FBXO21: variants seen among roughly 807,000 people sequenced by gnomAD.
FBXO21 encodes the protein F-box only protein 21.
A neutral mutation model predicts 76.6 loss-of-function variants in FBXO21; 32 were observed. That is an observed-to-expected ratio of 0.42 (90% CI 0.32 to 0.56). The LOEUF (loss-of-function observed/expected upper bound fraction) is 0.56. FBXO21 is among the 20% of genes least tolerant of loss of function. FBXO21 has a pLI of 0.16. For synonymous variants in FBXO21, 328 were observed against 311.5 expected (o/e 1.05, Z -0.56); for missense variants, 586 against 797.3 (o/e 0.73, Z 3.19).
rs1001498756 is a variant in FBXO21 at position 117,145,033 on chromosome 12, A to T, written c.*1054T>A. The T allele has an allele frequency of 3.3e-5, 5 of 151,164 alleles. No individual in the cohort carries two copies. The highest frequency in any genetic ancestry group is 4.8e-5 in the African/African-American group (2 of 41,292). 9.4% of individuals were successfully genotyped at this position (151,164 alleles called of 1,614,324 possible). ...CTTGAAGTGACTCTAAGGAATAACA[A>T]GAGGTGTGAAACCACTTTTTTTCCC... On this transcript the variant is annotated 3_prime_UTR_variant, in exon 12 of 12. Transcript: ENST00000622495.
At chr12:117,156,023 C>T in intron 10 of FBXO21, 75 bp from the exon 11 acceptor site, 1 of 1,407,986 alleles carries the variant, frequency 7.1e-7, no homozygotes. Context: ...CGTGGCTTCT[C>T]AGCTCACATC....
rs1440464112 is a variant in FBXO21 at position 117,189,233 on chromosome 12, T to C, written c.369A>G (p.Ser123=). Residue 123 remains serine, a synonymous_variant, in exon 2 of 12, where the codon TCA becomes TCG. Transcript: ENST00000622495. ...IVASFSKRFF[S]EHVPCNGFSD... ...CACATCAACAGATCCTTACGTGCTC[T>C]GAAAAGAACCTCTTTGAGAACGAGG... 6.2e-7 allele frequency: 1 copy of C among 1,614,230 alleles called. No homozygotes were observed. Among genetic ancestry groups the C allele is most frequent in the Middle Eastern group, 1.6e-4 (1 of 6,062 alleles).
chr12:117,183,828 T>G (rs1956258344), intron 3 of FBXO21, among the ~76,000 whole-genome samples: 1 of 152,212 alleles, frequency 6.6e-6, no homozygotes, highest in Admixed American at 6.5e-5. Context: ...ATTTAAAAAT[T>G]TCAGTTGTTT....
intron 9 of FBXO21, among the ~76,000 whole-genome samples, chr12:117,161,361 G>A (rs1419388868): frequency 1.3e-5 from 2 of 152,068 alleles, no homozygotes; most frequent in Non-Finnish European, 2.9e-5. Context: ...GGGAGGTGGG[G>A]AGCATCAGGC....
At chr12:117,170,537 G>C (rs1052952843) in intron 7 of FBXO21, among the ~76,000 whole-genome samples, 2 of 152,178 alleles carry the variant, frequency 1.3e-5, no homozygotes, top group Non-Finnish European at 2.9e-5. Flanking sequence ...ACAGAGAAAA[G>C]TGGCCAAAGG....
chr12:117,152,569 A>G (rs1955856869), intron 11 of FBXO21, among the ~76,000 whole-genome samples: 1 of 151,420 alleles, frequency 6.6e-6, no homozygotes, highest in African/African-American at 2.4e-5. Flanking sequence ...TGTCTTTAAT[A>G]AGAGAGACTA....
chr12:117,155,724 G>A (rs1017826740), intron 11 of FBXO21, 67 bp downstream of exon 11: 2 of 1,521,546 alleles, frequency 1.3e-6, no homozygotes, highest in East Asian at 2.4e-5. Flanking sequence ...GTACCTACCC[G>A]AGGGCTCAAA....
chr12:117,186,035 G>C (rs141834206), intron 3 of FBXO21, among the ~76,000 whole-genome samples: 2 of 151,982 alleles, frequency 1.3e-5, no homozygotes, highest in Non-Finnish European at 1.5e-5. Flanking sequence ...ACCACACCCA[G>C]CTAATTTTTT....
chr12:117,146,373 A>AT, intron 11 of FBXO21, 96 bp from the exon 12 acceptor site: 1 of 1,057,120 alleles, frequency 9.5e-7, no homozygotes, highest in Non-Finnish European at 1.4e-6. Flanking sequence ...TCCAGGTGGC[A>AT]TTTTTGGGGT....
intron 3 of FBXO21, 59 bp from the exon 4 acceptor site, chr12:117,177,700 A>T (rs895569560): frequency 3.5e-6 from 5 of 1,442,156 alleles, no homozygotes; most frequent in Non-Finnish European, 4.8e-6. Context: ...TCTATTTTTC[A>T]CATTACACTA....
At chr12:117,180,180 T>C (rs1956214259) in intron 3 of FBXO21, among the ~76,000 whole-genome samples, 1 of 152,216 alleles carries the variant, frequency 6.6e-6, no homozygotes, top group Non-Finnish European at 1.5e-5. Flanking sequence ...ATCCTTGCAT[T>C]GGACATACAA....
rs757417597 is a variant in FBXO21, at chr12:117,167,056, G to C, written c.1035C>G (p.Asp345Glu). The change falls in exon 8 of 12, where the codon GAC (aspartate) becomes GAG (glutamate). Residue 345 changes from aspartate to glutamate, a missense_variant. Around this residue, in one of 6 missense-constraint regions of FBXO21, gnomAD observed 246 missense variants for 356.8 expected, o/e 0.69. Coordinates refer to ENST00000622495, the MANE Select transcript of FBXO21 (RefSeq NM_015002.3). Reference protein sequence around the residue: ...GAEGATLDIFDYIYIDAFGKG... With the variant: ...GAEGATLDIFEYIYIDAFGKG... ...TCCCAAAAGCATCTATGTAGATGTA[G>C]TCAAAGATGTCCAGGGTCGCCCTAT... is the stretch of plus-strand genomic sequence containing the variant. The C allele has an allele frequency of 6.2e-7, 1 of 1,614,024 alleles. No homozygotes were observed. Among genetic ancestry groups the C allele is most frequent in the East Asian group, 2.2e-5 (1 of 44,886 alleles).
In FBXO21 at chr12:117,155,833, T is replaced by G; in HGVS notation, c.1633A>C (p.Asn545His). 1.2e-6 allele frequency: 2 copies of G among 1,614,166 alleles called. No homozygotes were observed. Among genetic ancestry groups the G allele is most frequent in the Non-Finnish European group, 1.7e-6 (2 of 1,179,984 alleles). ...CAGGAGCCGTCCTCCACCAGCACGT[T>G]ATAGAAAGGCTGGTGGTGGCCGTGC... ...LPHGHHQPFYNVLVEDGSCRY... is the reference protein window; with the variant it reads ...LPHGHHQPFYHVLVEDGSCRY... The change falls in exon 11 of 12, where the codon AAC becomes CAC. Residue 545 changes from asparagine (N) to histidine (H), a missense_variant. Physicochemically the swap from Asn to His is moderately conservative, Grantham distance 68. Around this residue, in one of 6 missense-constraint regions of FBXO21, gnomAD observed 164 missense variants for 236.7 expected, o/e 0.69. Transcript: ENST00000622495.
intron 11 of FBXO21, chr12:117,155,061 AC>A (rs1955894820): frequency 6.6e-6 from 1 of 152,268 alleles, no homozygotes; most frequent in Admixed American, 6.5e-5. Flanking sequence ...ATTAGCATTC[AC>A]ATTCATTTTT....
intron 3 of FBXO21, among the ~76,000 whole-genome samples, chr12:117,180,712 G>C (rs143969891): frequency 6.6e-6 from 1 of 151,834 alleles, no homozygotes; most frequent in Non-Finnish European, 1.5e-5. Flanking sequence ...TGCAATCTCC[G>C]CCTCCCGGGT....
chr12:117,174,900 C>T, intron 4 of FBXO21, 103 bp from the exon 5 acceptor site: 1 of 1,175,988 alleles, frequency 8.5e-7, no homozygotes, highest in Non-Finnish European at 1.2e-6. Context: ...TTTACACCAT[C>T]CCACTGGACA....
chr12:117,189,610 A>G (rs1353557138), intron 1 of FBXO21, among the ~76,000 whole-genome samples: 1 of 152,082 alleles, frequency 6.6e-6, no homozygotes, highest in African/African-American at 2.4e-5. Flanking sequence ...CAACAACAAT[A>G]ATAATAATGA....
At chr12:117,180,688 C>T (rs11068389) in intron 3 of FBXO21, among the ~76,000 whole-genome samples, 30,188 of 151,906 alleles carry the variant, frequency 0.2, 3,363 homozygotes, top group East Asian at 0.42. Flanking sequence ...TGCAGTGGTG[C>T]GATCTCAGCT....
intron 11 of FBXO21, among the ~76,000 whole-genome samples, chr12:117,150,134 C>T (rs1312634711): frequency 6.6e-6 from 1 of 152,126 alleles, no homozygotes; most frequent in Non-Finnish European, 1.5e-5. Context: ...AAATAAATGC[C>T]AATCCACTAA....
Sources: allele counts gnomAD v4.1 joint callset (sites outside exome capture counted in the v4.1 genomes callset), GRCh38; gene constraint gnomAD v4.1.1; regional missense constraint gnomAD v4.1.1; transcripts MANE v1.5; gene names NCBI Gene and HGNC (gene_info 2026-07-23, HGNC 2026-07-21).